The following GRID2 variants were observed in gnomAD, a reference collection of about 807,000 sequenced individuals.
GRID2 encodes the protein glutamate receptor ionotropic, delta-2.
In GRID2, 33 loss-of-function variants were observed where a neutral mutation model predicts 114.8. The ratio of observed to expected loss-of-function variants is 0.29; its 90% CI spans 0.22 to 0.38. The LOEUF is 0.38. GRID2 is among the 10% of genes least tolerant of loss of function. The pLI is 1.00. For missense variants in GRID2, 1,184 were observed against 1,257.7 expected (o/e 0.94, Z 0.89); for synonymous variants, 505 against 449.9 (o/e 1.12, Z -1.55).
In GRID2 at chr4:92,984,643, A is replaced by T. The variant is rs1754399548; in HGVS notation, c.245-100352A>T. On this transcript the variant is annotated intron_variant, in intron 2 of 15. Coordinates refer to ENST00000282020, the MANE Select transcript of GRID2 (RefSeq NM_001510.4). ...AAGGAATCCATGGCCAAGAGAAGTG[A>T]ATAGCCTACTGATTCCATTAGCTAA... is the stretch of plus-strand genomic sequence containing the variant. Among the ~76,000 whole-genome samples, 3 of 152,332 alleles carry T rather than the reference A, an allele frequency of 2.0e-5. No individual in the cohort carries two copies. In the South Asian group the frequency reaches 6.2e-4, roughly 32 times the overall value.
chr4:93,277,603 ATTAT>A (rs1472837309), intron 8 of GRID2, among the ~76,000 whole-genome samples: 8 of 151,956 alleles, frequency 5.3e-5, no homozygotes, highest in Non-Finnish European at 1.0e-4. Flanking sequence ...CTATTATGTA[ATTAT>A]TTACTATTGC....
At chr4:92,700,658 G>A (rs766622526) in intron 2 of GRID2, among the ~76,000 whole-genome samples, 3 of 152,080 alleles carry the variant, frequency 2.0e-5, no homozygotes, top group Admixed American at 1.3e-4. Flanking sequence ...TTATGGATGC[G>A]GATGAGGCAT....
chr4:92,641,374 T>C (rs924545959), intron 2 of GRID2, among the ~76,000 whole-genome samples: 1 of 151,622 alleles, frequency 6.6e-6, no homozygotes, highest in Non-Finnish European at 1.5e-5. Context: ...AGCCTCGAAA[T>C]CCTGGGCTCA....
Position 93,222,866 on chromosome 4 carries a change from G to A in GRID2, c.964-1748G>A, listed in dbSNP as rs140424616. ...ACATTTTCTAAAGACACATGCACACGTATGTTTATTGCGGCACTACTCACA... is the reference window on the plus strand; with the variant it reads ...ACATTTTCTAAAGACACATGCACACATATGTTTATTGCGGCACTACTCACA... On this transcript the variant is annotated intron_variant, in intron 6 of 15. Coordinates refer to ENST00000282020, the MANE Select transcript of GRID2 (RefSeq NM_001510.4). Among the ~76,000 whole-genome samples the A allele has an allele frequency of 9.4e-3, 1,427 of 152,082 alleles. 15 individuals carry two copies. The highest frequency in any genetic ancestry group is 0.033 in the African/African-American group (1,355 of 41,500).
intron 2 of GRID2, among the ~76,000 whole-genome samples, chr4:92,949,985 T>A (rs900922794): frequency 2.6e-5 from 4 of 152,140 alleles, no homozygotes; most frequent in Admixed American, 1.3e-4. Context: ...GGAATGACAG[T>A]GCATTTATTT....
At chr4:92,494,544 T>C (rs1044531238) in intron 1 of GRID2, among the ~76,000 whole-genome samples, 2 of 152,026 alleles carry the variant, frequency 1.3e-5, no homozygotes, top group African/African-American at 4.8e-5. Flanking sequence ...AGGCTTTGTT[T>C]TATCTCATTT....
intron 13 of GRID2, among the ~76,000 whole-genome samples, chr4:93,598,017 G>A (rs1739271270): frequency 6.6e-6 from 1 of 152,156 alleles, no homozygotes; most frequent in Admixed American, 6.5e-5. Context: ...CAATAGGAAA[G>A]ACTAAAAATA....
intron 2 of GRID2, among the ~76,000 whole-genome samples, chr4:93,017,860 C>A (rs1722908829): frequency 6.9e-6 from 1 of 145,760 alleles, no homozygotes. Flanking sequence ...ATAATATGTG[C>A]ACCAAGACAT....
At chr4:92,777,064 G>A (rs772391208) in intron 2 of GRID2, among the ~76,000 whole-genome samples, 13 of 151,392 alleles carry the variant, frequency 8.6e-5, no homozygotes, top group African/African-American at 2.4e-4. Flanking sequence ...TAAGTCCTCC[G>A]CTCATGGAAG....
At chr4:93,297,499 C>T (rs1452299374) in intron 8 of GRID2, among the ~76,000 whole-genome samples, 1 of 152,176 alleles carries the variant, frequency 6.6e-6, no homozygotes, top group African/African-American at 2.4e-5. Flanking sequence ...TCTTGTCTGA[C>T]AGCATTTGGC....
At chr4:92,920,753 C>T (rs1488316690) in intron 2 of GRID2, among the ~76,000 whole-genome samples, 3 of 152,140 alleles carry the variant, frequency 2.0e-5, no homozygotes, top group Non-Finnish European at 1.5e-5. Flanking sequence ...GTGGGTAACT[C>T]GACCTTTCTC....
At chr4:92,633,354 C>A (rs373115062) in intron 2 of GRID2, among the ~76,000 whole-genome samples, 8 of 152,078 alleles carry the variant, frequency 5.3e-5, no homozygotes, top group East Asian at 3.9e-4. Context: ...AATTAGACTG[C>A]CTCTAAAAGA....
At chr4:92,306,871 A>G (rs1725434906) in intron 1 of GRID2, among the ~76,000 whole-genome samples, 1 of 152,212 alleles carries the variant, frequency 6.6e-6, no homozygotes, top group Admixed American at 6.5e-5. Flanking sequence ...TAACAGATAT[A>G]GTTACTTCTG....
chr4:92,627,231 T>TAGCTAACTGCTACCA (rs1203422469), intron 2 of GRID2, among the ~76,000 whole-genome samples: 2 of 152,098 alleles, frequency 1.3e-5, no homozygotes, highest in African/African-American at 4.8e-5. Context: ...AGGCAGTGGA[T>TAGCTAACTGCTACCA]GTTAGCATCT....
At chr4:92,996,931 T>G (rs1755238893) in intron 2 of GRID2, among the ~76,000 whole-genome samples, 1 of 152,168 alleles carries the variant, frequency 6.6e-6, no homozygotes, top group Admixed American at 6.6e-5. Flanking sequence ...ATCCAGAGGA[T>G]TATCTCATAA....
chr4:92,711,617 T>C (rs1735254840), intron 2 of GRID2, among the ~76,000 whole-genome samples: 1 of 152,172 alleles, frequency 6.6e-6, no homozygotes, highest in South Asian at 2.1e-4. Flanking sequence ...AAAGAGTTCA[T>C]GTAGGCCTGA....
chr4:93,574,843 G>T (rs960741648), intron 13 of GRID2, among the ~76,000 whole-genome samples: 3 of 152,292 alleles, frequency 2.0e-5, no homozygotes, highest in Non-Finnish European at 4.4e-5. Flanking sequence ...ATCACAAAAA[G>T]TTGGTGAGCT....
intron 2 of GRID2, among the ~76,000 whole-genome samples, chr4:92,868,016 TTTTC>T (rs57222462): frequency 0.27 from 35,423 of 132,434 alleles, 5,056 homozygotes; most frequent in Non-Finnish European, 0.31. Flanking sequence ...TACTGAAAGG[TTTTC>T]TTTCTTTCTT....
intron 1 of GRID2, among the ~76,000 whole-genome samples, chr4:92,347,953 CAGACTTTA>C (rs1232233419): frequency 6.6e-6 from 1 of 152,060 alleles, no homozygotes; most frequent in Non-Finnish European, 1.5e-5. Context: ...GTAATAGTAG[CAGACTTTA>C]ACTGTTTTGT....
Sources: allele counts gnomAD v4.1 joint callset (sites outside exome capture counted in the v4.1 genomes callset), GRCh38; gene constraint gnomAD v4.1.1; transcripts MANE v1.5; gene names NCBI Gene and HGNC (gene_info 2026-07-23, HGNC 2026-07-21).